Variants in PLCB1 observed in about 807,000 individuals in gnomAD.
PLCB1 encodes the protein 1-phosphatidylinositol 4,5-bisphosphate phosphodiesterase beta-1.
A neutral mutation model predicts 161.8 loss-of-function variants in PLCB1; 46 were observed. That is an observed-to-expected ratio of 0.28 (90% confidence interval 0.22 to 0.36). The LOEUF (loss-of-function observed/expected upper bound fraction) is 0.36. PLCB1 is among the 10% of genes least tolerant of loss of function. The pLI is 1.00. For synonymous variants in PLCB1, 517 were observed against 503.7 expected, an observed-to-expected ratio of 1.03 and a Z score of -0.35; for missense variants, 1,016 against 1,472.5, an observed-to-expected ratio of 0.69 and a Z score of 5.07.
At chr20:8,159,761 G>A (rs1180290683) in intron 2 of PLCB1, among the ~76,000 whole-genome samples, 2 of 152,028 alleles carry the variant, frequency 1.3e-5, no homozygotes, top group African/African-American at 4.8e-5. Context: ...GCTGAGTTGG[G>A]TGGATCACCT....
chr20:8,233,350 AG>A (rs1980163637), intron 2 of PLCB1, among the ~76,000 whole-genome samples: 1 of 152,180 alleles, frequency 6.6e-6, no homozygotes, highest in African/African-American at 2.4e-5. Context: ...AATCAGAGAA[AG>A]ACAATAAGAA....
At chr20:8,542,277 A>G (rs1201132555) in intron 3 of PLCB1, among the ~76,000 whole-genome samples, 1 of 152,164 alleles carries the variant, frequency 6.6e-6, no homozygotes, top group Non-Finnish European at 1.5e-5. Flanking sequence ...TCTAAGCAGA[A>G]AGGGTAGAAC....
At chr20:8,808,916 T>A (rs1459135638) in intron 31 of PLCB1, among the ~76,000 whole-genome samples, 1 of 152,224 alleles carries the variant, frequency 6.6e-6, no homozygotes. Flanking sequence ...AAACTTTCAA[T>A]GAAATAAATT....
At chr20:8,189,237 A>G (rs542340228) in intron 2 of PLCB1, among the ~76,000 whole-genome samples, 1 of 151,646 alleles carries the variant, frequency 6.6e-6, no homozygotes, top group African/African-American at 2.4e-5. Flanking sequence ...GAATAGCTAT[A>G]GCTGCTTTTG....
chr20:8,657,816 GA>G (rs1205532960), intron 8 of PLCB1, among the ~76,000 whole-genome samples: 2 of 152,110 alleles, frequency 1.3e-5, no homozygotes, highest in Non-Finnish European at 2.9e-5. Flanking sequence ...CAAATGTGGG[GA>G]AAGTAGCAGT....
chr20:8,549,317 T>C (rs1366265885), intron 3 of PLCB1, among the ~76,000 whole-genome samples: 6 of 152,208 alleles, frequency 3.9e-5, no homozygotes, highest in Non-Finnish European at 7.3e-5. Flanking sequence ...ACTATTTTCA[T>C]TTTTTAGCCA....
At chr20:8,605,195 T>C (rs2123154334) in intron 3 of PLCB1, among the ~76,000 whole-genome samples, 1 of 152,278 alleles carries the variant, frequency 6.6e-6, no homozygotes, top group South Asian at 2.1e-4. Flanking sequence ...TGTGAGAGTA[T>C]ATATGTATGT....
intron 3 of PLCB1, among the ~76,000 whole-genome samples, chr20:8,493,905 G>C (rs893919146): frequency 2.9e-5 from 4 of 136,008 alleles, no homozygotes; most frequent in Non-Finnish European, 6.1e-5. Context: ...CCTTACCTTG[G>C]TGTATGAGAG....
chr20:8,649,527 C>A, intron 7 of PLCB1, 78 bp downstream of exon 7: 1 of 995,308 alleles, frequency 1.0e-6, no homozygotes, highest in Non-Finnish European at 1.6e-6. Flanking sequence ...CCCAATATGA[C>A]AGTTTTGAGA....
rs73895133 is a variant in PLCB1 at position 8,734,320 on chromosome 20, G to A, written c.2043+928G>A. Among the ~76,000 whole-genome samples the A allele has an allele frequency of 6.6e-3, 1,000 of 151,760 alleles. 17 individuals carry two copies. Among genetic ancestry groups the A allele is most frequent in the African/African-American group, 0.023 (955 of 41,426 alleles). On this transcript the variant is annotated intron_variant, in intron 19 of 31. Transcript: ENST00000338037. ...TATGAAATTTACATGATAATTAGTG[G>A]CCCATATTGGAGAGATTTTCCGGTC...
intron 3 of PLCB1, among the ~76,000 whole-genome samples, chr20:8,554,777 A>G (rs1016728470): frequency 3.3e-5 from 5 of 152,158 alleles, no homozygotes; most frequent in African/African-American, 1.2e-4. Flanking sequence ...TTAACATAAA[A>G]AAATTGCCCA....
intron 31 of PLCB1, among the ~76,000 whole-genome samples, chr20:8,829,766 T>G (rs1216121453): frequency 9.2e-5 from 14 of 152,218 alleles, no homozygotes; most frequent in Admixed American, 9.2e-4. Flanking sequence ...TATAGATCAT[T>G]AGGTTTTAAA....
At position 8,760,446 on chromosome 20, in the gene PLCB1, A is replaced by C. The variant is rs759522164; in HGVS notation, c.2696A>C (p.Gln899Pro). Residue 899 changes from glutamine (Q) to proline (P), a missense_variant, in exon 25 of 32, where the codon CAG becomes CCG. Around this residue, in one of 10 missense-constraint regions of PLCB1, gnomAD observed 398 missense variants for 445.4 expected, o/e 0.89. Transcript: ENST00000338037. The stretch of plus-strand genomic sequence containing the variant: ...CCTGCCAAAACAGAAGATCTTATTC[A>C]GAGTGTCTTAACAGGTAAATGCCAC... Reference protein sequence around the residue: ...KAPAKTEDLIQSVLTEVEAQT... With the variant: ...KAPAKTEDLIPSVLTEVEAQT... The C allele has an allele frequency of 6.2e-7, 1 of 1,610,950 alleles. No homozygotes were observed. The highest frequency in any genetic ancestry group is 2.2e-5 in the East Asian group (1 of 44,806).
chr20:8,657,109 C>A, intron 7 of PLCB1, 75 bp from the exon 8 acceptor site: 2 of 808,534 alleles, frequency 2.5e-6, no homozygotes, highest in East Asian at 2.4e-5. Flanking sequence ...GAAAAGAAGA[C>A]AGAGAAAAAA....
At chr20:8,658,124 G>A (rs531142053) in intron 8 of PLCB1, among the ~76,000 whole-genome samples, 3 of 152,160 alleles carry the variant, frequency 2.0e-5, no homozygotes, top group South Asian at 2.1e-4. Flanking sequence ...ACACTCAAAC[G>A]GGTTGTTTAC....
chr20:8,259,412 T>C (rs1981584930), intron 2 of PLCB1, among the ~76,000 whole-genome samples: 1 of 151,970 alleles, frequency 6.6e-6, no homozygotes, highest in South Asian at 2.1e-4. Flanking sequence ...ATGTCAAGAC[T>C]TAGAGACCAG....
chr20:8,385,989 T>A (rs936273216), intron 3 of PLCB1, among the ~76,000 whole-genome samples: 14 of 152,248 alleles, frequency 9.2e-5, no homozygotes, highest in Non-Finnish European at 1.8e-4. Context: ...AGTTTTATTA[T>A]AAGATTGCAG....
chr20:8,879,170 A>T lies in PLCB1; in HGVS notation c.3424-2452A>T, dbSNP rs375212373. On this transcript the variant is annotated intron_variant, in intron 31 of 31. Coordinates refer to ENST00000338037, the MANE Select transcript of PLCB1 (RefSeq NM_015192.4). ...TTTTTATGGCTGCCTACTATTCCAC[A>T]TTATAAGTACCATATTTTCTTTATC... is the stretch of plus-strand genomic sequence containing the variant. Among the ~76,000 whole-genome samples the T allele has an allele frequency of 4.1e-4, 63 of 152,192 alleles. 3 individuals are homozygous for T. The East Asian group carries it at 5.2e-3, about 13-fold the overall frequency.
intron 2 of PLCB1, among the ~76,000 whole-genome samples, chr20:8,189,511 T>G (rs1446625398): frequency 1.3e-5 from 2 of 151,918 alleles, no homozygotes; most frequent in Non-Finnish European, 2.9e-5. Flanking sequence ...ACAAAGATAT[T>G]ACACAAGGAA....
Sources: gnomAD v4.1 joint callset for allele counts (sites outside exome capture counted in the v4.1 genomes callset) on GRCh38, gnomAD v4.1.1 for gene constraint, gnomAD v4.1.1 regional missense constraint, MANE v1.5 for transcripts, NCBI Gene and HGNC (gene_info 2026-07-23, HGNC 2026-07-21) for gene names.